EFCAB6: variants seen among roughly 807,000 people sequenced by gnomAD.
EFCAB6 encodes EF-hand calcium-binding domain-containing protein 6.
Under a neutral mutation model 169.8 loss-of-function variants are expected in EFCAB6, and 156 were observed. The ratio of observed to expected loss-of-function variants is 0.92; its 90% CI spans 0.81 to 1.05. The LOEUF (loss-of-function observed/expected upper bound fraction) is 1.05, where lower values mean the gene tolerates loss of function less well. EFCAB6 is among the 50% of genes least tolerant of loss of function. The pLI, the probability that EFCAB6 is intolerant of heterozygous loss-of-function variation, is 0.00. For missense variants in EFCAB6, 1,800 were observed against 1,829.1 expected (o/e 0.98, Z 0.29); for synonymous variants, 698 against 676.4 (o/e 1.03, Z -0.50).
At chr22:43,603,168 A>G (rs2052650690) in intron 22 of EFCAB6, among the ~76,000 whole-genome samples, 1 of 152,204 alleles carries the variant, frequency 6.6e-6, no homozygotes, top group Non-Finnish European at 1.5e-5. Flanking sequence ...GAACTGAATG[A>G]AAAGGCATTC....
intron 8 of EFCAB6, among the ~76,000 whole-genome samples, chr22:43,725,745 ATAG>A (rs2059704522): frequency 6.6e-6 from 1 of 152,182 alleles, no homozygotes; most frequent in Non-Finnish European, 1.5e-5. Context: ...ATACCAATAA[ATAG>A]GCCTCTGTCC....
At chr22:43,535,861 T>G (rs757503196) in intron 29 of EFCAB6, 2 of 152,180 alleles carry the variant, frequency 1.3e-5, no homozygotes, top group Non-Finnish European at 2.9e-5. Context: ...TTCTTTGCCC[T>G]TGCACACAGG....
chr22:43,700,295 A>C (rs2058722176), intron 10 of EFCAB6, among the ~76,000 whole-genome samples: 2 of 151,422 alleles, frequency 1.3e-5, no homozygotes, highest in Admixed American at 1.3e-4. Flanking sequence ...TTTTAGAAAT[A>C]TCAAGCTCAA....
intron 31 of EFCAB6, chr22:43,530,538 C>T (rs1256304363): frequency 1.0e-6 from 1 of 985,262 alleles, no homozygotes; most frequent in African/African-American, 1.7e-5. Context: ...CCTTAAGGAA[C>T]CTGGGCTCAG....
intron 8 of EFCAB6, 49 bp from the exon 9 acceptor site, chr22:43,717,021 CA>C: frequency 7.1e-7 from 1 of 1,406,910 alleles, no homozygotes; most frequent in Non-Finnish European, 9.3e-7. Flanking sequence ...AAAGGTTAAA[CA>C]TTTAAATATT....
intron 17 of EFCAB6, among the ~76,000 whole-genome samples, chr22:43,635,940 G>A (rs2055358438): frequency 6.6e-6 from 1 of 152,190 alleles, no homozygotes; most frequent in South Asian, 2.1e-4. Context: ...AGACAGAGCT[G>A]CCTGCGTGGA....
At chr22:43,654,140 G>T (rs1280885413) in intron 17 of EFCAB6, among the ~76,000 whole-genome samples, 1 of 152,092 alleles carries the variant, frequency 6.6e-6, no homozygotes, top group African/African-American at 2.4e-5. Context: ...CTATTTAAAG[G>T]ATAATGAGGC....
intron 26 of EFCAB6, among the ~76,000 whole-genome samples, chr22:43,557,069 T>G (rs1213758289): frequency 6.6e-6 from 1 of 152,174 alleles, no homozygotes; most frequent in Non-Finnish European, 1.5e-5. Flanking sequence ...GGACAGGGCC[T>G]CACGTAAACA....
intron 19 of EFCAB6, 84 bp downstream of exon 19, chr22:43,632,021 C>A: frequency 6.4e-7 from 1 of 1,552,356 alleles, no homozygotes. Context: ...ACATGACCTA[C>A]ACCAGGACTC....
At position 43,683,804 on chromosome 22, in the gene EFCAB6, AAAT is replaced by A. The variant is rs778306462; in HGVS notation, c.1191_1193del (p.Leu397del). The A allele has an allele frequency of 3.4e-5, 55 of 1,613,806 alleles. No homozygotes were observed. The South Asian group carries it at 5.8e-4, about 17-fold the overall frequency. On this transcript the variant is annotated inframe_deletion, in exon 12 of 32. Coordinates refer to ENST00000262726, the MANE Select transcript of EFCAB6 (RefSeq NM_022785.4). ...ACGCAGAGTGATCTTCAGTGTGTCT[AAAT>A]AACTTTGTGATGATGTTTTCCTTGT...
Position 43,683,163 on chromosome 22 carries a change from C to T in EFCAB6, c.1251+584G>A, listed in dbSNP as rs367615063. 2.6e-5 allele frequency among the ~76,000 whole-genome samples: 4 copies of T among 152,270 alleles called. No individual in the cohort carries two copies. In the East Asian group the frequency reaches 7.7e-4, roughly 29 times the overall value. On this transcript the variant is annotated intron_variant, in intron 12 of 31. Coordinates refer to ENST00000262726, the MANE Select transcript of EFCAB6 (RefSeq NM_022785.4). Reference sequence around the variant, plus strand: ...CACTGTTTACTAGAGCTTCAATTACCGAATGTGCTTAGTAAATGTTGCTGC... The same window carrying T: ...CACTGTTTACTAGAGCTTCAATTACTGAATGTGCTTAGTAAATGTTGCTGC...
At chr22:43,584,843 A>T (rs1569200620) in intron 24 of EFCAB6, among the ~76,000 whole-genome samples, 1 of 152,190 alleles carries the variant, frequency 6.6e-6, no homozygotes, top group Non-Finnish European at 1.5e-5. Flanking sequence ...ATGGATTACA[A>T]CTGAAAGAAC....
intron 18 of EFCAB6, among the ~76,000 whole-genome samples, chr22:43,634,650 G>A (rs1193925969): frequency 2.7e-5 from 4 of 150,696 alleles, no homozygotes; most frequent in African/African-American, 9.8e-5. Flanking sequence ...GCACAAAGAT[G>A]GGTTTCCTAA....
intron 10 of EFCAB6, among the ~76,000 whole-genome samples, chr22:43,691,962 G>T (rs1569399223): frequency 6.6e-6 from 1 of 152,154 alleles, no homozygotes; most frequent in East Asian, 1.9e-4. Context: ...CAGCATGAGG[G>T]GTGGCAGGAA....
chr22:43,641,485 A>C (rs1431997588), intron 17 of EFCAB6, among the ~76,000 whole-genome samples: 1 of 152,040 alleles, frequency 6.6e-6, no homozygotes, highest in Non-Finnish European at 1.5e-5. Context: ...GCATGGTGGC[A>C]GGCACCTGCA....
intron 10 of EFCAB6, among the ~76,000 whole-genome samples, chr22:43,710,467 G>T (rs1462183280): frequency 6.6e-6 from 1 of 152,172 alleles, no homozygotes; most frequent in Non-Finnish European, 1.5e-5. Context: ...AAATAACACT[G>T]ATTGCTCACT....
At chr22:43,589,865 C>T (rs569057337) in intron 24 of EFCAB6, among the ~76,000 whole-genome samples, 7 of 152,292 alleles carry the variant, frequency 4.6e-5, no homozygotes, top group African/African-American at 1.4e-4. Flanking sequence ...TAAGACACAT[C>T]AGGAAAAGTT....
intron 8 of EFCAB6, among the ~76,000 whole-genome samples, chr22:43,723,215 G>A (rs1241430685): frequency 6.6e-6 from 1 of 152,180 alleles, no homozygotes; most frequent in Admixed American, 6.5e-5. Flanking sequence ...CTCTTGAGAT[G>A]AAATCTACTC....
intron 24 of EFCAB6, among the ~76,000 whole-genome samples, chr22:43,584,615 G>A (rs2050939034): frequency 6.6e-6 from 1 of 152,112 alleles, no homozygotes; most frequent in Non-Finnish European, 1.5e-5. Context: ...CTTTCTGAGA[G>A]CCTTATCTTA....
Sources: gnomAD v4.1 joint callset for allele counts (sites outside exome capture counted in the v4.1 genomes callset) on GRCh38, gnomAD v4.1.1 for gene constraint, MANE v1.5 for transcripts, NCBI Gene and HGNC (gene_info 2026-07-23, HGNC 2026-07-21) for gene names.